Variants in SLC44A1 observed in about 807,000 individuals in gnomAD.
SLC44A1 encodes the protein choline transporter-like protein 1.
SLC44A1 carries 26 observed loss-of-function variants against 79.3 expected under a neutral mutation model. The observed-to-expected ratio is 0.33, with a 90% CI of 0.24 to 0.46. The LOEUF is 0.46. SLC44A1 is among the 20% of genes least tolerant of loss of function. SLC44A1 has a pLI of 1.00. For missense variants in SLC44A1, 688 were observed against 798.1 expected (o/e 0.86, Z 1.66); for synonymous variants, 263 against 286.2 (o/e 0.92, Z 0.82).
chr9:105,349,817 T>G (rs1482372745), intron 5 of SLC44A1, among the ~76,000 whole-genome samples: 2 of 152,078 alleles, frequency 1.3e-5, no homozygotes, highest in African/African-American at 2.4e-5. Context: ...AAAGCCTGGG[T>G]GTGAGAGGGA....
chr9:105,325,780 G>T (rs1467759400), intron 3 of SLC44A1, among the ~76,000 whole-genome samples: 1 of 152,186 alleles, frequency 6.6e-6, no homozygotes, highest in Non-Finnish European at 1.5e-5. Context: ...TAATTCTAAT[G>T]GATAGGAGGT....
chr9:105,279,317 C>CTTTTTTT (rs35697234), intron 1 of SLC44A1, among the ~76,000 whole-genome samples: 1 of 133,332 alleles, frequency 7.5e-6, no homozygotes, highest in Non-Finnish European at 1.6e-5. Flanking sequence ...GAAAAGAAAA[C>CTTTTTTT]TTTTTTTTTT....
intron 2 of SLC44A1, among the ~76,000 whole-genome samples, chr9:105,308,396 AT>A (rs1249654014): frequency 6.6e-6 from 1 of 152,228 alleles, no homozygotes; most frequent in Non-Finnish European, 1.5e-5. Context: ...AGATGAGTAA[AT>A]TGAGACAGAA....
intron 7 of SLC44A1, among the ~76,000 whole-genome samples, chr9:105,360,101 G>T (rs560195665): frequency 6.6e-6 from 1 of 152,060 alleles, no homozygotes; most frequent in South Asian, 2.1e-4. Context: ...ACCACTTTCC[G>T]CATTGCTCAT....
At position 105,393,819 on chromosome 9, in the gene SLC44A1, C is replaced by T. The variant is rs1377697333; in HGVS notation, c.*4763C>T. The T allele has an allele frequency of 1.0e-6, 1 of 984,810 alleles. No homozygotes were observed. Among genetic ancestry groups the T allele is most frequent in the Non-Finnish European group, 1.2e-6 (1 of 829,512 alleles). 61.0% of individuals were successfully genotyped at this position (984,810 alleles called of 1,614,324 possible). The stretch of plus-strand genomic sequence containing the variant: ...TAGGCTATTCTTCAGTTTTGATGCT[C>T]AGTTTTACAACTTAAATGATTTTCT... On this transcript the variant is annotated 3_prime_UTR_variant, in exon 16 of 16. Transcript: ENST00000374720.
At position 105,390,430 on chromosome 9, in the gene SLC44A1, C is replaced by A. The variant is rs891159848; in HGVS notation, c.*1374C>A. ...TATTGCACTAAATACAGGCTCTGTA[C>A]AAAAAAAAAAAAAAAAAAAAAGCCT... On this transcript the variant is annotated 3_prime_UTR_variant, in exon 16 of 16. Transcript: ENST00000374720. 2,526 of 824,398 alleles carry A rather than the reference C, an allele frequency of 3.1e-3. No homozygotes were observed. Among genetic ancestry groups the A allele is most frequent in the East Asian group, 8.7e-3 (52 of 5,992 alleles). The allele number at this position is 824,398 out of a possible 1,614,324, so 51.1% of individuals were successfully genotyped here.
In SLC44A1 at chr9:105,420,195, A is replaced by G. The variant is rs561422562; in HGVS notation, c.1951-18086A>G. Among the ~76,000 whole-genome samples the G allele has an allele frequency of 5.9e-4, 90 of 152,246 alleles. 1 individual carries two copies. Among genetic ancestry groups the G allele is most frequent in the Non-Finnish European group, 1.2e-3 (83 of 68,004 alleles). ...CCCTGACCCTAGCAGAATGCGCCCT[A>G]TTGCCTTGCATCACCCCAAGGTTTT... On this transcript the variant is annotated intron_variant, in intron 15 of 15. Transcript: ENST00000374724.
intron 3 of SLC44A1, among the ~76,000 whole-genome samples, chr9:105,315,328 C>G (rs1831293486): frequency 6.8e-6 from 1 of 147,544 alleles, no homozygotes; most frequent in African/African-American, 2.5e-5. Context: ...AAATACTTAG[C>G]TTCAAATTGA....
intron 3 of SLC44A1, among the ~76,000 whole-genome samples, chr9:105,316,354 A>T (rs1564432871): frequency 6.6e-6 from 1 of 152,200 alleles, no homozygotes; most frequent in Non-Finnish European, 1.5e-5. Context: ...GTATGTCCAT[A>T]GCATGCAATA....
At chr9:105,379,475 A>G (rs1360169416) in intron 13 of SLC44A1, among the ~76,000 whole-genome samples, 3 of 152,184 alleles carry the variant, frequency 2.0e-5, no homozygotes, top group African/African-American at 7.2e-5. Context: ...AGATGTTATC[A>G]TTGAAGGAAG....
At chr9:105,383,705 C>T (rs1828545826) in intron 14 of SLC44A1, among the ~76,000 whole-genome samples, 1 of 152,204 alleles carries the variant, frequency 6.6e-6, no homozygotes, top group African/African-American at 2.4e-5. Flanking sequence ...ACAAAATATC[C>T]TGTTTCCCAG....
chr9:105,257,543 CTG>C (rs1190348567), intron 1 of SLC44A1, among the ~76,000 whole-genome samples: 1 of 152,148 alleles, frequency 6.6e-6, no homozygotes, highest in Admixed American at 6.5e-5. Context: ...AGATTGTAAA[CTG>C]TGTCTAGAAA....
rs1362726649 is a variant in SLC44A1, at chr9:105,396,055, C to T, written c.*6999C>T. The stretch of plus-strand genomic sequence containing the variant: ...TCTGTGCTCAGAACTTGGTTTTTGG[C>T]CCCTATTGTTTTTGCCTATTTTGAT... On this transcript the variant is annotated 3_prime_UTR_variant, in exon 16 of 16. Transcript: ENST00000374720. 1.4e-5 allele frequency: 14 copies of T among 985,158 alleles called. No homozygotes were observed. The highest frequency in any genetic ancestry group is 3.5e-5 in the African/African-American group (2 of 57,178). 61.0% of individuals were successfully genotyped at this position (985,158 alleles called of 1,614,324 possible). A position where few individuals can be genotyped will look rare whatever the true frequency, so the allele number is the denominator to read the frequency against.
chr9:105,431,099 A>C (rs745663327), intron 15 of SLC44A1, among the ~76,000 whole-genome samples: 6 of 152,214 alleles, frequency 3.9e-5, no homozygotes, highest in Non-Finnish European at 5.9e-5. Flanking sequence ...TTCTTTTGCT[A>C]TCATGACCCA....
In SLC44A1 at chr9:105,432,623, G is replaced by T. The variant is rs545176099; in HGVS notation, c.1951-5658G>T. Among the ~76,000 whole-genome samples the T allele has an allele frequency of 3.9e-5, 6 of 152,290 alleles. No individual in the cohort carries two copies. In the East Asian group the frequency reaches 1.2e-3, roughly 29 times the overall value. The stretch of plus-strand genomic sequence containing the variant: ...ATTGATCCCTTTCTTCCTGTTTACT[G>T]GTGCCAGAGATCCTAGAATAGCAAG... On this transcript the variant is annotated intron_variant, in intron 15 of 15. Transcript: ENST00000374724.
downstream of SLC44A1, among the ~76,000 whole-genome samples, chr9:105,398,831 C>T (rs1300089102): frequency 6.6e-6 from 1 of 152,148 alleles, no homozygotes; most frequent in African/African-American, 2.4e-5. Context: ...TCTGCCTCTA[C>T]CAGGGGTGTC....
intron 1 of SLC44A1, among the ~76,000 whole-genome samples, chr9:105,294,023 A>T (rs1830662228): frequency 6.6e-6 from 1 of 152,182 alleles, no homozygotes; most frequent in Admixed American, 6.5e-5. Context: ...AACTTTAAGG[A>T]TATAAATGTA....
Position 105,393,011 on chromosome 9 carries a change from G to A in SLC44A1, c.*3955G>A, listed in dbSNP as rs117301879. 9.3e-3 allele frequency: 9,114 copies of A among 984,810 alleles called. 59 individuals carry two copies. Among genetic ancestry groups the A allele is most frequent in the Non-Finnish European group, 1.0e-2 (8,256 of 829,460 alleles). The allele number at this position is 984,810 out of a possible 1,614,324, so 61.0% of individuals were successfully genotyped here. On this transcript the variant is annotated 3_prime_UTR_variant, in exon 16 of 16. Transcript: ENST00000374720. ...TCTCAGAGTCTGGAGGCTTATCAGT[G>A]CACCTGCCACAGTTAATTTCTGTAT...
chr9:105,433,065 C>T (rs1588882824), intron 15 of SLC44A1, among the ~76,000 whole-genome samples: 1 of 152,034 alleles, frequency 6.6e-6, no homozygotes, highest in Non-Finnish European at 1.5e-5. Context: ...GAGGCCGAAG[C>T]GGGGTGGATC....
Sources: gnomAD v4.1 joint callset for allele counts (sites outside exome capture counted in the v4.1 genomes callset) on GRCh38, gnomAD v4.1.1 for gene constraint, MANE v1.5 for transcripts, NCBI Gene and HGNC (gene_info 2026-07-23, HGNC 2026-07-21) for gene names.